KCNIP4: variants seen among roughly 807,000 people sequenced by gnomAD.
KCNIP4 encodes Kv channel-interacting protein 4.
A neutral mutation model predicts 34.0 loss-of-function variants in KCNIP4; 12 were observed. The observed-to-expected ratio is 0.35, with a 90% confidence interval of 0.23 to 0.57. The LOEUF is 0.57. Ranked by LOEUF, KCNIP4 falls within the 20% of genes least tolerant of loss-of-function variation. The pLI, the probability that KCNIP4 is intolerant of heterozygous loss-of-function variation, is 0.83. For synonymous variants in KCNIP4, 124 were observed against 102.2 expected, an observed-to-expected ratio of 1.21 and a Z score of -1.29; for missense variants, 238 against 311.7, an observed-to-expected ratio of 0.76 and a Z score of 1.78.
intron 1 of KCNIP4, among the ~76,000 whole-genome samples, chr4:21,606,933 C>T (rs1378518784): frequency 6.6e-6 from 1 of 152,114 alleles, no homozygotes; most frequent in African/African-American, 2.4e-5. Context: ...TTCCCTCTGA[C>T]TCACTCTTCC....
chr4:21,528,732 A>G (rs867971427), intron 1 of KCNIP4, among the ~76,000 whole-genome samples: 126 of 10,966 alleles, frequency 0.011, 1 homozygote, highest in Middle Eastern at 0.045. Flanking sequence ...AGAAAGAAAG[A>G]AAGAAAGAAA....
chr4:21,541,317 T>C (rs1358178464), intron 1 of KCNIP4, among the ~76,000 whole-genome samples: 3 of 152,144 alleles, frequency 2.0e-5, no homozygotes, highest in Non-Finnish European at 4.4e-5. Context: ...TGTTCTTTGA[T>C]TAGTAGTGCT....
intron 1 of KCNIP4, among the ~76,000 whole-genome samples, chr4:21,059,880 C>T (rs1019206623): frequency 1.3e-5 from 2 of 151,972 alleles, no homozygotes; most frequent in South Asian, 4.2e-4. Context: ...TGGGGTGAAG[C>T]GTTGACTGAA....
At chr4:21,508,750 A>G (rs1304156492) in intron 1 of KCNIP4, among the ~76,000 whole-genome samples, 1 of 144,382 alleles carries the variant, frequency 6.9e-6, no homozygotes, top group Non-Finnish European at 1.5e-5. Context: ...GCCCTGAGGC[A>G]ATTAGCAAGG....
chr4:21,306,331 G>T (rs1054241207), intron 1 of KCNIP4, among the ~76,000 whole-genome samples: 1 of 152,196 alleles, frequency 6.6e-6, no homozygotes, highest in African/African-American at 2.4e-5. Flanking sequence ...ATCAGCATGG[G>T]GTGAAGGTTA....
chr4:21,258,561 A>G (rs1268822223), intron 1 of KCNIP4, among the ~76,000 whole-genome samples: 2 of 152,164 alleles, frequency 1.3e-5, no homozygotes, highest in Non-Finnish European at 2.9e-5. Context: ...TTAAGACAAT[A>G]ATTGATATAG....
chr4:21,185,384 A>G (rs1273857030), intron 1 of KCNIP4, among the ~76,000 whole-genome samples: 1 of 149,936 alleles, frequency 6.7e-6, no homozygotes, highest in Admixed American at 6.7e-5. Context: ...TTTTCTGCTC[A>G]TTCTCCTCCT....
chr4:21,685,747 A>G (rs1430367391), intron 1 of KCNIP4, among the ~76,000 whole-genome samples: 2 of 152,242 alleles, frequency 1.3e-5, no homozygotes, highest in South Asian at 2.1e-4. Flanking sequence ...GAGTGACATG[A>G]TAAACACAAT....
intron 1 of KCNIP4, chr4:21,852,690 T>C (rs1724486340): frequency 6.6e-6 from 1 of 152,202 alleles, no homozygotes; most frequent in Admixed American, 6.5e-5. Flanking sequence ...CTCAGCATCA[T>C]ACATGACACA....
intron 1 of KCNIP4, among the ~76,000 whole-genome samples, chr4:21,905,710 T>A (rs778064994): frequency 1.3e-5 from 2 of 152,216 alleles, no homozygotes; most frequent in Non-Finnish European, 2.9e-5. Flanking sequence ...GTGACCAGCA[T>A]GTGTGCACAT....
intron 1 of KCNIP4, among the ~76,000 whole-genome samples, chr4:21,618,632 T>TTTTTTTTTTTTTTTTTTTTTC (rs1744775596): frequency 6.2e-5 from 1 of 16,086 alleles, no homozygotes; most frequent in Non-Finnish European, 1.6e-4. Flanking sequence ...TTCTTTTTCT[T>TTTTTTTTTTTTTTTTTTTTTC]TTTTTTTTTT....
intron 1 of KCNIP4, among the ~76,000 whole-genome samples, chr4:21,548,659 CA>C (rs34679666): frequency 0.038 from 5,590 of 147,406 alleles, 99 homozygotes; most frequent in East Asian, 0.05. Flanking sequence ...TTCTCATATA[CA>C]AAAAAAAAAT....
intron 1 of KCNIP4, among the ~76,000 whole-genome samples, chr4:21,937,382 C>T (rs918944588): frequency 6.6e-6 from 1 of 152,060 alleles, no homozygotes; most frequent in Non-Finnish European, 1.5e-5. Flanking sequence ...TTCCCACTGC[C>T]TTTACCCTTG....
chr4:21,300,091 A>G (rs1764072966), intron 1 of KCNIP4, among the ~76,000 whole-genome samples: 1 of 152,094 alleles, frequency 6.6e-6, no homozygotes, highest in Non-Finnish European at 1.5e-5. Flanking sequence ...TGCTTTTATT[A>G]AGGGTGGTAG....
At chr4:20,924,875 A>G (rs888572229) in intron 1 of KCNIP4, among the ~76,000 whole-genome samples, 1 of 152,258 alleles carries the variant, frequency 6.6e-6, no homozygotes, top group South Asian at 2.1e-4. Flanking sequence ...GACAGAGACC[A>G]GTGCATGATA....
At position 21,203,107 on chromosome 4, in the gene KCNIP4, C is replaced by T. The variant is rs116182067; in HGVS notation, c.62-320398G>A. Among the ~76,000 whole-genome samples, 821 of 152,334 alleles carry T rather than the reference C, an allele frequency of 5.4e-3. 8 individuals carry two copies. The highest frequency in any genetic ancestry group is 0.019 in the African/African-American group (794 of 41,580). On this transcript the variant is annotated intron_variant, in intron 1 of 8. Coordinates refer to ENST00000382152, the MANE Select transcript of KCNIP4 (RefSeq NM_025221.6). Reference sequence around the variant, plus strand: ...GCAATTCACCATTCAGAGTTGGACTCAGGAAAATGACTCATGCAGGTTCTG... The same window carrying T: ...GCAATTCACCATTCAGAGTTGGACTTAGGAAAATGACTCATGCAGGTTCTG...
chr4:21,932,259 G>A (rs1405945681), intron 1 of KCNIP4, among the ~76,000 whole-genome samples: 1 of 152,032 alleles, frequency 6.6e-6, no homozygotes, highest in Non-Finnish European at 1.5e-5. Flanking sequence ...GTGAAACAGT[G>A]AGAAACTCGG....
intron 1 of KCNIP4, among the ~76,000 whole-genome samples, chr4:21,616,873 A>T (rs528618452): frequency 6.6e-6 from 1 of 152,330 alleles, no homozygotes; most frequent in South Asian, 2.1e-4. Context: ...GACCTTATTT[A>T]TAAATAAGAT....
chr4:21,065,065 GT>G (rs1369020699), intron 1 of KCNIP4, among the ~76,000 whole-genome samples: 1 of 152,140 alleles, frequency 6.6e-6, no homozygotes, highest in African/African-American at 2.4e-5. Context: ...TGTCCACTCT[GT>G]CATGGGAACT....
Sources: gnomAD v4.1 joint callset for allele counts (sites outside exome capture counted in the v4.1 genomes callset) on GRCh38, gnomAD v4.1.1 for gene constraint, MANE v1.5 for transcripts, NCBI Gene and HGNC (gene_info 2026-07-23, HGNC 2026-07-21) for gene names.